The following ZAN variants were observed in gnomAD, a reference collection of about 807,000 sequenced individuals.
The protein encoded by ZAN is zonadhesin.
ZAN carries 260 observed loss-of-function variants against 286.2 expected under a neutral mutation model. The ratio of observed to expected loss-of-function variants is 0.91; its 90% confidence interval spans 0.82 to 1.01. The LOEUF (loss-of-function observed/expected upper bound fraction) is 1.01, where lower values mean the gene tolerates loss of function less well. ZAN is among the 50% of genes least tolerant of loss of function. The pLI, the probability that ZAN is intolerant of heterozygous loss-of-function variation, is 0.00. For synonymous variants in ZAN, 1,368 were observed against 1,417.5 expected, an observed-to-expected ratio of 0.97 and a Z score of 0.79; for missense variants, 3,410 against 3,639.2, an observed-to-expected ratio of 0.94 and a Z score of 1.62.
intron 35 of ZAN, among the ~76,000 whole-genome samples, chr7:100,781,346 G>A (rs531915745): frequency 7.2e-5 from 11 of 152,080 alleles, no homozygotes; most frequent in Non-Finnish European, 1.3e-4. Context: ...GATTACAGAC[G>A]TGAGACATCT....
At chr7:100,791,926 C>A in intron 40 of ZAN, 40 bp from the exon 41 acceptor site, 3 of 1,570,214 alleles carry the variant, frequency 1.9e-6, no homozygotes, top group South Asian at 1.2e-5. Context: ...CTTCACCTTC[C>A]TTGGGGCCTC....
intron 20 of ZAN, 71 bp downstream of exon 20, chr7:100,762,429 T>G: frequency 7.0e-7 from 1 of 1,432,020 alleles, no homozygotes; most frequent in Non-Finnish European, 9.1e-7. Context: ...CTTTTTTTTT[T>G]TTTTTTTTTT....
chr7:100,750,125 G>A (rs1808550352), intron 11 of ZAN, among the ~76,000 whole-genome samples: 1 of 148,950 alleles, frequency 6.7e-6, no homozygotes, highest in Non-Finnish European at 1.5e-5. Flanking sequence ...AATCTAGGTT[G>A]CTGGTTTGTT....
intron 37 of ZAN, 68 bp downstream of exon 37, chr7:100,786,209 G>A: frequency 6.3e-7 from 1 of 1,596,146 alleles, no homozygotes; most frequent in Non-Finnish European, 8.5e-7. Context: ...GGAGGAAGAG[G>A]CAGGGTGGGA....
chr7:100,746,100 A>G (rs1177602010), intron 7 of ZAN, among the ~76,000 whole-genome samples: 1 of 151,932 alleles, frequency 6.6e-6, no homozygotes, highest in East Asian at 1.9e-4. Flanking sequence ...GGTGGCGCAC[A>G]CCTGTAGTCC....
Position 100,771,879 on chromosome 7 carries a change from C to A in ZAN, c.5284C>A (p.Gln1762Lys). 1 of 1,613,222 alleles carries A rather than the reference C, an allele frequency of 6.2e-7. No homozygotes were observed. The highest frequency in any genetic ancestry group is 8.5e-7 in the Non-Finnish European group (1 of 1,179,680). ...TCAATGTCACCAGGTGGTGCCTCCCCAGTCCAGCTTTGCCAGTTGCGTGCA... is the reference window on the plus strand; with the variant it reads ...TCAATGTCACCAGGTGGTGCCTCCCAAGTCCAGCTTTGCCAGTTGCGTGCA... Reference protein sequence around the residue: ...FSQCHQVVPPQSSFASCVHGQ... With the variant: ...FSQCHQVVPPKSSFASCVHGQ... Residue 1762 changes from glutamine (Q) to lysine (K), a missense_variant, in exon 29 of 48, where the codon CAG becomes AAG. This residue lies in a region of ZAN where 27 missense variants were observed against 58.7 expected (regional missense o/e 0.46). Transcript: ENST00000613979.
rs758141174 is a variant in ZAN, at chr7:100,776,577, T to C, written c.6317+13T>C. 185 of 1,537,076 alleles carry C rather than the reference T, an allele frequency of 1.2e-4. No individual in the cohort carries two copies. The highest frequency in any genetic ancestry group is 1.7e-4 in the Middle Eastern group (1 of 5,942). ...ACATTGACCCAAGGTAGTGGTCCCC[T>C]AAGACCCTCTAGGTTTTCTTTCTTT... is the stretch of plus-strand genomic sequence containing the variant. On this transcript the variant is annotated intron_variant, in intron 34 of 47. Coordinates refer to ENST00000613979, the MANE Select transcript of ZAN (RefSeq NM_003386.3).
In ZAN at chr7:100,758,160, A is replaced by G. The variant is rs377675877; in HGVS notation, c.3310-42A>G. 1.9e-5 allele frequency: 29 copies of G among 1,527,810 alleles called. No homozygotes were observed. In the African/African-American group the frequency reaches 3.5e-4, roughly 18 times the overall value. 94.6% of individuals were successfully genotyped at this position (1,527,810 alleles called of 1,614,324 possible). On this transcript the variant is annotated intron_variant, in intron 15 of 47. Coordinates refer to ENST00000613979, the MANE Select transcript of ZAN (RefSeq NM_003386.3). ...AGAAAGGCAAAGGGAGAAGTACTCTAGGAGCTATATGACTGTGTGACCTCA... is the reference window on the plus strand; with the variant it reads ...AGAAAGGCAAAGGGAGAAGTACTCTGGGAGCTATATGACTGTGTGACCTCA...
rs1191830733 is a variant in ZAN, at chr7:100,737,250, A to T, written c.526-12A>T. 9.5e-6 allele frequency: 14 copies of T among 1,470,368 alleles called. 1 individual carries two copies. Among genetic ancestry groups the T allele is most frequent in the Non-Finnish European group, 1.3e-5 (14 of 1,077,402 alleles). The allele number at this position is 1,470,368 out of a possible 1,614,324, so 91.1% of individuals were successfully genotyped here. A position where few individuals can be genotyped will look rare whatever the true frequency, so the allele number is the denominator to read the frequency against. On this transcript the variant is annotated splice_polypyrimidine_tract_variant and intron_variant, in intron 5 of 47. Coordinates refer to ENST00000613979, the MANE Select transcript of ZAN (RefSeq NM_003386.3). ...GGGCTCATGGGGTTGGGGTCCCCTT[A>T]TCCTCTTGCAGCTGATGTTTGAGGG...
intron 34 of ZAN, among the ~76,000 whole-genome samples, chr7:100,779,096 G>C (rs1411349073): frequency 6.6e-6 from 1 of 151,716 alleles, no homozygotes. Context: ...CCGGCTACTC[G>C]GGAGGCTGAG....
rs368223688 is a variant in ZAN at position 100,768,757 on chromosome 7, C to T, written c.5153+36C>T. The T allele has an allele frequency of 4.2e-4, 648 of 1,540,584 alleles. 8 individuals carry two copies. The South Asian group carries it at 6.0e-3, about 14-fold the overall frequency. On this transcript the variant is annotated intron_variant, in intron 27 of 47. Coordinates refer to ENST00000613979, the MANE Select transcript of ZAN (RefSeq NM_003386.3). ...GGTCAGGGGAGCCAGGCAGGAGGGGCTGGGCCTGGGAAGGGCCTCGGGGGG... is the reference window on the plus strand; with the variant it reads ...GGTCAGGGGAGCCAGGCAGGAGGGGTTGGGCCTGGGAAGGGCCTCGGGGGG...
chr7:100,771,970 T>A lies in ZAN; in HGVS notation c.5375T>A (p.Leu1792Gln). 1 of 1,609,206 alleles carries A rather than the reference T, an allele frequency of 6.2e-7. No homozygotes were observed. The stretch of plus-strand genomic sequence containing the variant: ...CGCTCCCTGCAGGCCTACGCGTCCC[T>A]GTGTGCCCAGGCTGGCCAGGCCCCT... ...LCRSLQAYAS[L>Q]CAQAGQAPAW... Residue 1792 changes from leucine (L) to glutamine (Q), a missense_variant, in exon 29 of 48, where the codon CTG (leucine) becomes CAG (glutamine). Coordinates refer to ENST00000613979, the MANE Select transcript of ZAN (RefSeq NM_003386.3).
In ZAN at chr7:100,737,372, G is replaced by A. The variant is rs1318442958; in HGVS notation, c.613+23G>A. ...GCGGTGAGTCCCTGTCCCTCCTCCC[G>A]CCTGCCCTCGGACCCTTTTCTCTCC... On this transcript the variant is annotated intron_variant, in intron 6 of 47. Transcript: ENST00000613979. 35 of 1,380,064 alleles carry A rather than the reference G, an allele frequency of 2.5e-5. 4 individuals are homozygous for A. The South Asian group carries it at 2.6e-4, about 10-fold the overall frequency. 85.5% of individuals were successfully genotyped at this position (1,380,064 alleles called of 1,614,324 possible).
chr7:100,757,616 G>A (rs1447230432), intron 15 of ZAN, among the ~76,000 whole-genome samples: 1 of 151,760 alleles, frequency 6.6e-6, no homozygotes, highest in African/African-American at 2.4e-5. Context: ...TTAGCCGGGC[G>A]TCGTGGCGGG....
intron 26 of ZAN, 60 bp from the exon 27 acceptor site, chr7:100,768,550 C>A: frequency 1.4e-6 from 2 of 1,422,666 alleles, no homozygotes; most frequent in Non-Finnish European, 1.9e-6. Context: ...GGATGGTGGC[C>A]CTGGGGCCTG....
intron 42 of ZAN, among the ~76,000 whole-genome samples, chr7:100,793,283 G>A (rs555167594): frequency 1.5e-4 from 23 of 151,314 alleles, no homozygotes; most frequent in Admixed American, 3.3e-4. Flanking sequence ...AGGCTGCAGT[G>A]AGCCGTGATC....
chr7:100,795,628 C>T (rs149733188), intron 45 of ZAN, among the ~76,000 whole-genome samples: 4,361 of 151,504 alleles, frequency 0.029, 244 homozygotes, highest in African/African-American at 0.1. Context: ...CAGTCCTGGC[C>T]GGGAATGGTG....
intron 34 of ZAN, among the ~76,000 whole-genome samples, chr7:100,778,321 C>T (rs1810956062): frequency 1.3e-5 from 2 of 151,372 alleles, no homozygotes; most frequent in Non-Finnish European, 1.5e-5. Context: ...AGTTTAAAAA[C>T]AGCCGGGTGC....
intron 30 of ZAN, 73 bp downstream of exon 30, chr7:100,773,566 G>C: frequency 1.9e-6 from 3 of 1,573,104 alleles, no homozygotes; most frequent in Non-Finnish European, 2.6e-6. Flanking sequence ...GCTCAGGAGA[G>C]GCAGGAGGAA....
Sources: gnomAD v4.1 joint callset for allele counts (sites outside exome capture counted in the v4.1 genomes callset) on GRCh38, gnomAD v4.1.1 for gene constraint, gnomAD v4.1.1 regional missense constraint, MANE v1.5 for transcripts, NCBI Gene and HGNC (gene_info 2026-07-23, HGNC 2026-07-21) for gene names.